The following INTS15 variants were observed in gnomAD, a reference collection of about 807,000 sequenced individuals.
The protein encoded by INTS15 is uncharacterized protein C7orf26.
the INTS15 span, among the ~76,000 whole-genome samples, chr7:6,599,236 G>T: frequency 1.3e-5 from 2 of 152,194 alleles, no homozygotes; most frequent in Non-Finnish European, 2.9e-5. Flanking sequence ...AGGAAGCCCA[G>T]ACTAAGTGTC....
the INTS15 span, among the ~76,000 whole-genome samples, chr7:6,591,215 A>G: frequency 6.6e-6 from 1 of 151,766 alleles, no homozygotes; most frequent in Non-Finnish European, 1.5e-5. Context: ...TTCTACGGGA[A>G]CTTTACGAAG....
chr7:6,590,146 C>G, the INTS15 span: 1 of 667,152 alleles, frequency 1.5e-6, no homozygotes, highest in African/African-American at 1.9e-5. Flanking sequence ...AGGGAGCAGG[C>G]GGCGGCAGGC....
the INTS15 span, among the ~76,000 whole-genome samples, chr7:6,595,405 C>T: frequency 1.3e-5 from 2 of 152,148 alleles, no homozygotes; most frequent in South Asian, 2.1e-4. Context: ...CTCAAGCAGT[C>T]CTCCCACCTC....
the INTS15 span, among the ~76,000 whole-genome samples, chr7:6,597,730 C>CAG: frequency 0.86 from 131,498 of 152,156 alleles, 57,615 homozygotes; most frequent in African/African-American, 0.97. Flanking sequence ...AGATCTGAAA[C>CAG]TGTTTTTCTC....
chr7:6,601,300 T>C, the INTS15 span, among the ~76,000 whole-genome samples: 1 of 151,754 alleles, frequency 6.6e-6, no homozygotes, highest in East Asian at 1.9e-4. Context: ...TTTTTATTCA[T>C]TTATTTTTTT....
the INTS15 span, among the ~76,000 whole-genome samples, chr7:6,592,488 A>G: frequency 6.6e-6 from 1 of 151,240 alleles, no homozygotes; most frequent in African/African-American, 2.4e-5. Context: ...AATCGTGTGA[A>G]TATGGGAGGC....
At chr7:6,591,629 C>G in the INTS15 span, 111 of 1,607,410 alleles carry the variant, frequency 6.9e-5, no homozygotes, top group Admixed American at 8.4e-5. Context: ...AACGCTTTTC[C>G]GGGATTTCTT....
chr7:6,592,090 G>T, the INTS15 span, among the ~76,000 whole-genome samples: 1 of 151,958 alleles, frequency 6.6e-6, no homozygotes, highest in Non-Finnish European at 1.5e-5. Context: ...AGAATCACAT[G>T]AACCCGGGAG....
the INTS15 span, chr7:6,590,090 G>A: frequency 2.8e-6 from 1 of 361,398 alleles, no homozygotes; most frequent in Non-Finnish European, 4.7e-6. Flanking sequence ...TCGGACCTTC[G>A]GGCGCCTGCT....
chr7:6,593,525 G>A, the INTS15 span, among the ~76,000 whole-genome samples: 4 of 151,686 alleles, frequency 2.6e-5, no homozygotes, highest in Admixed American at 6.6e-5. Flanking sequence ...TAGTAGAGAC[G>A]GGGTTTCACT....
At chr7:6,592,402 A>C in the INTS15 span, among the ~76,000 whole-genome samples, 3 of 151,488 alleles carry the variant, frequency 2.0e-5, no homozygotes, top group Admixed American at 6.6e-5. Flanking sequence ...CCCTGTCTCT[A>C]CTGAAAATAC....
At chr7:6,593,440 C>G in the INTS15 span, among the ~76,000 whole-genome samples, 2 of 150,728 alleles carry the variant, frequency 1.3e-5, no homozygotes, top group Admixed American at 6.6e-5. Context: ...ACCCTAGTCT[C>G]CTGCCTCAGC....
chr7:6,591,228 C>A, the INTS15 span, among the ~76,000 whole-genome samples: 787 of 151,370 alleles, frequency 5.2e-3, 5 homozygotes, highest in African/African-American at 0.017. Context: ...TTACGAAGGG[C>A]GAAAAGTTCT....
chr7:6,591,890 G>A, the INTS15 span: 23 of 1,603,276 alleles, frequency 1.4e-5, no homozygotes, highest in East Asian at 1.6e-4. Context: ...AGAGACCCTC[G>A]GCCGGGTGCG....
chr7:6,600,928 TGCC>T, the INTS15 span, among the ~76,000 whole-genome samples: 1 of 152,120 alleles, frequency 6.6e-6, no homozygotes, highest in Admixed American at 6.5e-5. Context: ...TGAGCCACCG[TGCC>T]GTTTCTTTTT....
At chr7:6,601,698 C>CCA in the INTS15 span, among the ~76,000 whole-genome samples, 2 of 151,730 alleles carry the variant, frequency 1.3e-5, no homozygotes, top group Admixed American at 1.3e-4. Flanking sequence ...ACTCTGTTGC[C>CCA]CAGTCTGGAG....
the INTS15 span, chr7:6,594,683 G>A: frequency 7.6e-7 from 1 of 1,317,778 alleles, no homozygotes; most frequent in Admixed American, 2.0e-5. Context: ...CAGGTGAAGT[G>A]TCCAGTGAAT....
At chr7:6,601,929 A>G in the INTS15 span, among the ~76,000 whole-genome samples, 1 of 151,344 alleles carries the variant, frequency 6.6e-6, no homozygotes, top group Non-Finnish European at 1.5e-5. Flanking sequence ...AGTGCTGGGA[A>G]TACAGGCGTG....
At chr7:6,594,222 G>C in the INTS15 span, among the ~76,000 whole-genome samples, 4 of 146,914 alleles carry the variant, frequency 2.7e-5, no homozygotes, top group Admixed American at 1.4e-4. Context: ...GGCCAGGCTG[G>C]TCTCGAACTC....
Sources: gnomAD v4.1 joint callset for allele counts (sites outside exome capture counted in the v4.1 genomes callset) on GRCh38, gnomAD v4.1.1 for gene constraint, MANE v1.5 for transcripts, NCBI Gene and HGNC (gene_info 2026-07-23, HGNC 2026-07-21) for gene names.